Variants in GALK2 observed in about 807,000 individuals in gnomAD.
GALK2 encodes the protein N-acetylgalactosamine kinase.
In GALK2, 36 loss-of-function variants were observed where a neutral mutation model predicts 52.4. The ratio of observed to expected loss-of-function variants is 0.69; its 90% CI spans 0.53 to 0.91. The LOEUF is 0.91. Ranked by LOEUF, GALK2 falls within the 40% of genes least tolerant of loss-of-function variation. The pLI is 0.00. For synonymous variants in GALK2, 176 were observed against 199.1 expected (o/e 0.88, Z 0.98); for missense variants, 579 against 559.1 (o/e 1.04, Z -0.36).
intron 8 of GALK2, among the ~76,000 whole-genome samples, chr15:49,311,970 T>C (rs2036028101): frequency 6.6e-6 from 1 of 152,212 alleles, no homozygotes; most frequent in Non-Finnish European, 1.5e-5. Flanking sequence ...CCGGGGGCTG[T>C]CCACACAGTT....
At chr15:49,316,482 G>T (rs1159001020) in intron 8 of GALK2, among the ~76,000 whole-genome samples, 2 of 150,326 alleles carry the variant, frequency 1.3e-5, no homozygotes, top group Non-Finnish European at 2.9e-5. Flanking sequence ...GGGGTAGGGG[G>T]GAGGGATAGC....
chr15:49,161,412 A>G (rs2084647094), intron 1 of GALK2, among the ~76,000 whole-genome samples: 1 of 152,122 alleles, frequency 6.6e-6, no homozygotes, highest in African/African-American at 2.4e-5. Flanking sequence ...ACATCAAAAT[A>G]TTTTTCTGTC....
chr15:49,155,874 A>G, exon 1 of GALK2: 1 of 1,092,398 alleles, frequency 9.2e-7, no homozygotes, highest in Non-Finnish European at 1.4e-6. Context: ...CGCATCGAGC[A>G]GTTTCCAGCC....
chr15:49,187,823 C>T (rs138570008), intron 1 of GALK2, among the ~76,000 whole-genome samples: 264 of 152,198 alleles, frequency 1.7e-3, no homozygotes, highest in Non-Finnish European at 3.5e-3. Context: ...TGGGATGCTC[C>T]CTTCAGGGTA....
At chr15:49,195,856 AG>A (rs2087182515) in intron 1 of GALK2, among the ~76,000 whole-genome samples, 1 of 151,976 alleles carries the variant, frequency 6.6e-6, no homozygotes, top group South Asian at 2.1e-4. Flanking sequence ...TTAGGTAGAA[AG>A]GGGAAAGAGG....
intron 3 of GALK2, among the ~76,000 whole-genome samples, chr15:49,349,593 G>T (rs1199293217): frequency 5.9e-5 from 9 of 152,092 alleles, no homozygotes; most frequent in Admixed American, 5.9e-4. Context: ...TCAAGTAGGG[G>T]AGTTATTAGG....
At chr15:49,341,357 T>G (rs932664588) in intron 3 of GALK2, among the ~76,000 whole-genome samples, 9 of 152,324 alleles carry the variant, frequency 5.9e-5, no homozygotes, top group African/African-American at 1.9e-4. Flanking sequence ...ATGGCAAGTT[T>G]AACAATATTG....
intron 5 of GALK2, among the ~76,000 whole-genome samples, chr15:49,257,179 C>T (rs138449295): frequency 6.6e-6 from 1 of 152,264 alleles, no homozygotes; most frequent in African/African-American, 2.4e-5. Flanking sequence ...GTGCTAGTTG[C>T]TGGGTTCCGC....
upstream of GALK2, among the ~76,000 whole-genome samples, chr15:49,168,556 T>C (rs1019509113): frequency 1.3e-5 from 2 of 152,044 alleles, no homozygotes; most frequent in African/African-American, 4.8e-5. Flanking sequence ...CCGTCTTTAC[T>C]AAAAATACAA....
At chr15:49,257,003 C>T (rs993778002) in intron 5 of GALK2, among the ~76,000 whole-genome samples, 2 of 152,018 alleles carry the variant, frequency 1.3e-5, no homozygotes, top group Non-Finnish European at 1.5e-5. Flanking sequence ...TTGGTTTAAT[C>T]CAGAGGATTT....
Position 49,201,842 on chromosome 15 carries a change from C to G in GALK2, c.142+592C>G, listed in dbSNP as rs376349101. On this transcript the variant is annotated intron_variant, in intron 2 of 9. Coordinates refer to ENST00000560031, the MANE Select transcript of GALK2 (RefSeq NM_002044.4). ...TGTATCTTTTTTTCATTTAATATAT[C>G]ATAAATATTTCCATGTATCTATTTC... 4.6e-5 allele frequency among the ~76,000 whole-genome samples: 7 copies of G among 152,000 alleles called. No individual in the cohort carries two copies. The South Asian group carries it at 1.2e-3, about 27-fold the overall frequency.
Position 49,328,086 on chromosome 15 carries a change from G to A in GALK2, c.1304G>A (p.Ser435Asn), listed in dbSNP as rs2037844170. ...HKAYYQRSDGSLAPEKQSLFA... is the reference protein window; with the variant it reads ...HKAYYQRSDGNLAPEKQSLFA... The stretch of plus-strand genomic sequence containing the variant: ...GCTTATTACCAGAGGAGTGATGGAA[G>A]CTTAGCACCGGAGAAGCAAAGTTTG... Residue 435 changes from serine to asparagine, a missense_variant, in exon 10 of 10, where the codon AGC becomes AAC. By Grantham distance (46) the Ser-to-Asn change is conservative. Transcript: ENST00000560031. The A allele has an allele frequency of 6.2e-7, 1 of 1,614,098 alleles. No homozygotes were observed. Among genetic ancestry groups the A allele is most frequent in the Non-Finnish European group, 8.5e-7 (1 of 1,179,986 alleles).
upstream of GALK2, among the ~76,000 whole-genome samples, chr15:49,168,593 C>T (rs2084902160): frequency 6.6e-6 from 1 of 151,924 alleles, no homozygotes; most frequent in Non-Finnish European, 1.5e-5. Context: ...TGGCGGCTGC[C>T]TGTATTCCCA....
At chr15:49,357,781 CAA>C (rs925412132) in intron 3 of GALK2, among the ~76,000 whole-genome samples, 1 of 151,750 alleles carries the variant, frequency 6.6e-6, no homozygotes, top group South Asian at 2.1e-4. Flanking sequence ...AGAGACACAA[CAA>C]AAAAAGAGAA....
intron 3 of GALK2, among the ~76,000 whole-genome samples, chr15:49,219,713 A>C (rs1048880400): frequency 1.3e-5 from 2 of 152,174 alleles, no homozygotes; most frequent in African/African-American, 4.8e-5. Context: ...CAGGAGGCTG[A>C]GGCAGGAGAA....
At chr15:49,169,535 A>G (rs887225604), upstream of GALK2, among the ~76,000 whole-genome samples, 2 of 152,086 alleles carry the variant, frequency 1.3e-5, no homozygotes, top group African/African-American at 4.8e-5. Context: ...GAGAGACACA[A>G]TAAATACATA....
At chr15:49,336,280 CCTGT>C (rs1416431815), downstream of GALK2, among the ~76,000 whole-genome samples, 1 of 152,230 alleles carries the variant, frequency 6.6e-6, no homozygotes, top group Non-Finnish European at 1.5e-5. Flanking sequence ...ATTCCTCTGT[CCTGT>C]CTGTTTCTGG....
At chr15:49,268,037 A>G (rs760886497) in intron 5 of GALK2, among the ~76,000 whole-genome samples, 1 of 152,174 alleles carries the variant, frequency 6.6e-6, no homozygotes, top group African/African-American at 2.4e-5. Flanking sequence ...TTGTCTCTGA[A>G]TATGGTGGGT....
At chr15:49,278,772 C>T (rs2032270010) in intron 5 of GALK2, among the ~76,000 whole-genome samples, 1 of 152,168 alleles carries the variant, frequency 6.6e-6, no homozygotes, top group Non-Finnish European at 1.5e-5. Flanking sequence ...GCCACAGAGA[C>T]CTATTTTATA....
Sources: allele counts gnomAD v4.1 joint callset (sites outside exome capture counted in the v4.1 genomes callset), GRCh38; gene constraint gnomAD v4.1.1; transcripts MANE v1.5; gene names NCBI Gene and HGNC (gene_info 2026-07-23, HGNC 2026-07-21).